The following CENPM variants were observed in gnomAD, a reference collection of about 807,000 sequenced individuals.
CENPM encodes interphase centromere complex protein 39.
CENPM carries 14 observed loss-of-function variants against 19.6 expected under a neutral mutation model. The ratio of observed to expected loss-of-function variants is 0.71; its 90% CI spans 0.47 to 1.11. CENPM has a LOEUF of 1.11. Ranked by LOEUF, CENPM falls within the 50% of genes most tolerant of loss-of-function variation. The pLI is 0.00. For missense variants in CENPM, 239 were observed against 228.4 expected (o/e 1.05, Z -0.30); for synonymous variants, 114 against 101.5 (o/e 1.12, Z -0.74).
At chr22:41,943,049 A>C (rs991960331) in intron 5 of CENPM, among the ~76,000 whole-genome samples, 6 of 152,132 alleles carry the variant, frequency 3.9e-5, no homozygotes, top group African/African-American at 1.4e-4. Flanking sequence ...TTCCCTACAT[A>C]TGCATCCAAC....
chr22:41,938,971 A>T lies in CENPM; in HGVS notation c.*85T>A, dbSNP rs2077699310. The T allele has an allele frequency of 1.3e-6, 2 of 1,534,008 alleles. No individual in the cohort carries two copies. The highest frequency in any genetic ancestry group is 1.8e-6 in the Non-Finnish European group (2 of 1,128,460). On this transcript the variant is annotated 3_prime_UTR_variant, in exon 6 of 6. Transcript: ENST00000215980. ...CGGCGGGCTGAGCCTGGGCCTGTCA[A>T]GCCCTGACTGGACATCCTCAACAGA... is the stretch of plus-strand genomic sequence containing the variant.
chr22:41,928,137 TG>T, the CENPM span: 2 of 403,780 alleles, frequency 5.0e-6, no homozygotes. This position sits in a 1 kb window ranked among gnomAD's most constrained non-coding sequence, Gnocchi z 4.0. Context: ...AGGGAGCCAC[TG>T]GGGCTTTGTG....
intron 1 of CENPM, chr22:41,946,746 C>CAG (rs2077809647): frequency 1.7e-6 from 1 of 598,270 alleles, no homozygotes; most frequent in Non-Finnish European, 3.0e-6. Context: ...TCCAGGAGGC[C>CAG]AGACCCCCAG....
chr22:41,942,945 G>A (rs1452684392), intron 5 of CENPM, among the ~76,000 whole-genome samples: 1 of 151,366 alleles, frequency 6.6e-6, no homozygotes, highest in Non-Finnish European at 1.5e-5. Flanking sequence ...AAACAATAAC[G>A]ACAACAACAA....
chr22:41,941,140 A>T (rs1035644848), intron 5 of CENPM, among the ~76,000 whole-genome samples: 5 of 152,202 alleles, frequency 3.3e-5, no homozygotes, highest in African/African-American at 1.2e-4. Flanking sequence ...CAGCAGACCT[A>T]GGCAATTATT....
downstream of CENPM, among the ~76,000 whole-genome samples, chr22:41,935,352 G>A (rs1178599031): frequency 6.6e-6 from 1 of 152,096 alleles, no homozygotes; most frequent in Non-Finnish European, 1.5e-5. Flanking sequence ...GATCAGGCAG[G>A]CTGCATCCAC....
rs777188752 is a variant in CENPM, at chr22:41,941,706, C to T, written c.402+1904G>A. ...TGTTCTCTCTGGGAGGAAAGCCTGG[C>T]GGGGCAGGCACTTCAGGTGTGCCCA... On this transcript the variant is annotated intron_variant, in intron 5 of 5. Coordinates refer to ENST00000215980, the MANE Select transcript of CENPM (RefSeq NM_024053.5). Among the ~76,000 whole-genome samples the T allele has an allele frequency of 4.6e-5, 7 of 152,330 alleles. No individual in the cohort carries two copies. In the East Asian group the frequency reaches 5.8e-4, roughly 13 times the overall value.
At chr22:41,942,849 C>G (rs1247346951) in intron 5 of CENPM, among the ~76,000 whole-genome samples, 1 of 151,854 alleles carries the variant, frequency 6.6e-6, no homozygotes, top group Non-Finnish European at 1.5e-5. Flanking sequence ...GTGGGAGGTT[C>G]ACTTGAGCCC....
At chr22:41,942,221 G>A (rs564518760) in intron 5 of CENPM, among the ~76,000 whole-genome samples, 4 of 152,318 alleles carry the variant, frequency 2.6e-5, no homozygotes, top group Admixed American at 1.3e-4. Flanking sequence ...GTGGCAGTGC[G>A]GGCCCTGGGA....
the CENPM span, chr22:41,928,186 A>G: frequency 2.4e-6 from 1 of 422,904 alleles, no homozygotes; most frequent in Non-Finnish European, 4.7e-6. The surrounding 1 kb of genome is among the most constrained non-coding windows in gnomAD (Gnocchi z 4.0). Context: ...TGAGTGAGGG[A>G]ACTGTGACTG....
chr22:41,928,610 C>G, the CENPM span, among the ~76,000 whole-genome samples: 1 of 152,094 alleles, frequency 6.6e-6, no homozygotes, highest in Non-Finnish European at 1.5e-5. This position sits in a 1 kb window ranked among gnomAD's most constrained non-coding sequence, Gnocchi z 4.0. Flanking sequence ...ACACTCCAGG[C>G]GGAGGGCTGC....
At chr22:41,935,650 C>G (rs1276707097), downstream of CENPM, among the ~76,000 whole-genome samples, 2 of 152,154 alleles carry the variant, frequency 1.3e-5, no homozygotes, top group African/African-American at 4.8e-5. Context: ...TTGCTGCGGG[C>G]GAAGGCCTGC....
At chr22:41,944,588 A>C in intron 4 of CENPM, 1 of 868,354 alleles carries the variant, frequency 1.2e-6, no homozygotes, top group African/African-American at 1.8e-5. Context: ...TAGGAATATG[A>C]AAACAAAGCA....
In CENPM at chr22:41,939,864, G is replaced by GAA. The variant is rs1569425874; in HGVS notation, c.403-670_403-669dup. ...AAAAAGAAAGAAAGAAAGAAAGAAAGAAAGAAAGAAAGAAAAAGAAAGAAA... is the reference window on the plus strand; with the variant it reads ...AAAAAGAAAGAAAGAAAGAAAGAAAGAAAAAGAAAGAAAGAAAAAGAAAGAAA... On this transcript the variant is annotated intron_variant, in intron 5 of 5. Coordinates refer to ENST00000215980, the MANE Select transcript of CENPM (RefSeq NM_024053.5). 7.4e-4 allele frequency among the ~76,000 whole-genome samples: 40 copies of GAA among 53,834 alleles called. 4 individuals are homozygous for GAA. The highest frequency in any genetic ancestry group is 2.0e-3 in the African/African-American group (29 of 14,246). 35.3% of individuals were successfully genotyped at this position (53,834 alleles called of 152,430 possible).
chr22:41,939,858 AAGAAAGAAAGAAAGAAAGAAAAAGAAAG>A (rs2077717843), intron 5 of CENPM, among the ~76,000 whole-genome samples: 1 of 12,152 alleles, frequency 8.2e-5, no homozygotes, highest in African/African-American at 1.8e-4. Context: ...GAAAGAAAGA[AAGAAAGAAAGAAAGAAAGAAAAAGAAAG>A]AAAGAAAGAA....
chr22:41,938,555 G>A (rs1283674285), downstream of CENPM, among the ~76,000 whole-genome samples: 1 of 151,982 alleles, frequency 6.6e-6, no homozygotes, highest in African/African-American at 2.4e-5. Context: ...TGTAGAGACA[G>A]GGATACACCA....
At chr22:41,927,317 AC>A in the CENPM span, among the ~76,000 whole-genome samples, 1 of 152,018 alleles carries the variant, frequency 6.6e-6, no homozygotes, top group African/African-American at 2.4e-5. Flanking sequence ...CTGGGGGCAG[AC>A]CAGAGCCTCC....
chr22:41,928,954 C>T, the CENPM span, among the ~76,000 whole-genome samples: 1 of 152,080 alleles, frequency 6.6e-6, no homozygotes, highest in Non-Finnish European at 1.5e-5. The surrounding 1 kb of genome is among the most constrained non-coding windows in gnomAD (Gnocchi z 4.0). Context: ...CACAAAGAAC[C>T]CCAGTCAGCC....
At chr22:41,930,537 C>G in the CENPM span, among the ~76,000 whole-genome samples, 1 of 151,812 alleles carries the variant, frequency 6.6e-6, no homozygotes, top group African/African-American at 2.4e-5. Context: ...TGGAGTTTCA[C>G]TCTTATCGCC....
Sources: allele counts gnomAD v4.1 joint callset (sites outside exome capture counted in the v4.1 genomes callset), GRCh38; gene constraint gnomAD v4.1.1; non-coding constraint Gnocchi (gnomAD v3.1); transcripts MANE v1.5; gene names NCBI Gene and HGNC (gene_info 2026-07-23, HGNC 2026-07-21).